The following TEX10 variants were observed in gnomAD, a reference collection of about 807,000 sequenced individuals.
The protein encoded by TEX10 is testis-expressed protein 10.
A neutral mutation model predicts 104.4 loss-of-function variants in TEX10; 24 were observed. That is an observed-to-expected ratio of 0.23 (90% CI 0.17 to 0.32). TEX10 has a LOEUF of 0.32. Among genes scored for constraint, TEX10 ranks in the 10% least tolerant of loss-of-function variants. TEX10 has a pLI of 1.00. For synonymous variants in TEX10, 396 were observed against 393.4 expected (o/e 1.01, Z -0.08); for missense variants, 921 against 1,083.9 (o/e 0.85, Z 2.11).
intron 11 of TEX10, among the ~76,000 whole-genome samples, chr9:100,314,341 C>A (rs1834359533): frequency 6.6e-6 from 1 of 152,124 alleles, no homozygotes; most frequent in South Asian, 2.1e-4. Flanking sequence ...CCACCTCAGC[C>A]TCCCAAAATG....
At chr9:100,313,413 G>A (rs1274626428) in intron 11 of TEX10, among the ~76,000 whole-genome samples, 2 of 151,894 alleles carry the variant, frequency 1.3e-5, no homozygotes, top group African/African-American at 4.8e-5. Context: ...TACTCGGGAG[G>A]CTAAGGCAGG....
intron 5 of TEX10, among the ~76,000 whole-genome samples, chr9:100,332,152 AC>A (rs1361382774): frequency 6.6e-6 from 1 of 152,236 alleles, no homozygotes; most frequent in African/African-American, 2.4e-5. Flanking sequence ...AATAGAAATT[AC>A]CCATATGACT....
intron 11 of TEX10, among the ~76,000 whole-genome samples, 173 bp downstream of exon 11, chr9:100,320,092 A>G (rs1834528934): frequency 6.6e-6 from 1 of 152,214 alleles, no homozygotes; most frequent in Non-Finnish European, 1.5e-5. Context: ...TAGTGGCACA[A>G]TTTATAAAGA....
intron 4 of TEX10, among the ~76,000 whole-genome samples, chr9:100,340,800 GA>G (rs1835153400): frequency 6.6e-6 from 1 of 152,124 alleles, no homozygotes; most frequent in Non-Finnish European, 1.5e-5. Flanking sequence ...TAGTATTGGT[GA>G]ATTTATCATT....
At chr9:100,316,105 T>C (rs998041925) in intron 11 of TEX10, among the ~76,000 whole-genome samples, 3 of 152,228 alleles carry the variant, frequency 2.0e-5, no homozygotes, top group African/African-American at 7.2e-5. Context: ...TATTCCCTTA[T>C]GAACACAGAC....
At chr9:100,339,274 A>AAAAAAAAATAT (rs1835101688) in intron 5 of TEX10, among the ~76,000 whole-genome samples, 19 of 91,698 alleles carry the variant, frequency 2.1e-4, no homozygotes, top group African/African-American at 8.8e-4. Flanking sequence ...AAAAAAAAAA[A>AAAAAAAAATAT]GTATATATAT....
chr9:100,320,719 A>G (rs1226139275), intron 10 of TEX10, among the ~76,000 whole-genome samples: 1 of 152,252 alleles, frequency 6.6e-6, no homozygotes, highest in Non-Finnish European at 1.5e-5. Flanking sequence ...GGTAGGTTTA[A>G]AAAAGCAAAT....
In TEX10 at chr9:100,327,488, C is replaced by T. The variant is rs188635404; in HGVS notation, c.1801+299G>A. Among the ~76,000 whole-genome samples, 439 of 151,210 alleles carry T rather than the reference C, an allele frequency of 2.9e-3. 1 individual carries two copies. The highest frequency in any genetic ancestry group is 6.8e-3 in the Middle Eastern group (2 of 294). Reference sequence around the variant, plus strand: ...GATTAAATAAGTAATAAAGATATGTCTTGCCATCAGAGCTTCAAAGGAATT... The same window carrying T: ...GATTAAATAAGTAATAAAGATATGTTTTGCCATCAGAGCTTCAAAGGAATT... On this transcript the variant is annotated intron_variant, in intron 8 of 14. Coordinates refer to ENST00000374902, the MANE Select transcript of TEX10 (RefSeq NM_017746.4).
At chr9:100,334,106 C>T (rs1256656470) in intron 5 of TEX10, among the ~76,000 whole-genome samples, 4 of 152,036 alleles carry the variant, frequency 2.6e-5, no homozygotes, top group Non-Finnish European at 5.9e-5. Context: ...AAAGATAATA[C>T]GTTTTTCAGA....
chr9:100,325,896 A>G (rs1834695019), intron 9 of TEX10, among the ~76,000 whole-genome samples: 1 of 152,170 alleles, frequency 6.6e-6, no homozygotes, highest in Non-Finnish European at 1.5e-5. Flanking sequence ...GGAAAAAAAA[A>G]GTGAGAGATT....
chr9:100,352,750 C>A, intron 1 of TEX10, 22 bp downstream of exon 1: 1 of 1,164,430 alleles, frequency 8.6e-7, no homozygotes, highest in Non-Finnish European at 1.1e-6. Flanking sequence ...AGGACCCGGC[C>A]CGACGGGCGA....
chr9:100,323,970 G>C (rs1434498722), intron 9 of TEX10, among the ~76,000 whole-genome samples: 1 of 152,128 alleles, frequency 6.6e-6, no homozygotes, highest in Non-Finnish European at 1.5e-5. Flanking sequence ...TCAAGAAGAG[G>C]AGCTATTTTG....
Position 100,303,746 on chromosome 9 carries a change from A to G in TEX10, c.2562T>C (p.Pro854=), listed in dbSNP as rs1364330898. The G allele has an allele frequency of 6.2e-7, 1 of 1,614,112 alleles. No homozygotes were observed. Among genetic ancestry groups the G allele is most frequent in the Admixed American group, 1.7e-5 (1 of 60,018 alleles). ...GCTGGCCCACAACAGGCAGCTCCTC[A>G]GGCCCAACTCTGTTCACCCGCAGGC... is the stretch of plus-strand genomic sequence containing the variant. ...LQSLRVNRVG[P]EELPVVGQLL... The change falls in exon 14 of 15, where the codon CCT becomes CCC. Residue 854 remains proline, a synonymous_variant. Coordinates refer to ENST00000374902, the MANE Select transcript of TEX10 (RefSeq NM_017746.4).
intron 11 of TEX10, among the ~76,000 whole-genome samples, chr9:100,316,355 G>A (rs933720047): frequency 1.3e-5 from 2 of 151,924 alleles, no homozygotes; most frequent in Non-Finnish European, 2.9e-5. Context: ...CAACAAACTA[G>A]GCATAGAAGA....
intron 7 of TEX10, 71 bp from the exon 8 acceptor site, chr9:100,328,033 A>AT (rs947070661): frequency 9.0e-5 from 112 of 1,249,868 alleles, no homozygotes; most frequent in Middle Eastern, 4.2e-4. Flanking sequence ...CAAAAAAAAA[A>AT]TTTTTTTTTA....
At chr9:100,314,318 C>T (rs1041171307) in intron 11 of TEX10, among the ~76,000 whole-genome samples, 2 of 152,100 alleles carry the variant, frequency 1.3e-5, no homozygotes, top group Admixed American at 6.5e-5. Flanking sequence ...GAACTCCTGA[C>T]TTCGTGATCC....
intron 11 of TEX10, among the ~76,000 whole-genome samples, chr9:100,319,116 C>T (rs1378125445): frequency 7.9e-5 from 12 of 151,840 alleles, no homozygotes; most frequent in South Asian, 4.2e-4. Context: ...CGCTTAAACC[C>T]GGGAGACGGA....
chr9:100,343,502 A>C (rs1215410380), intron 4 of TEX10, among the ~76,000 whole-genome samples: 2 of 152,056 alleles, frequency 1.3e-5, no homozygotes, highest in African/African-American at 4.8e-5. Flanking sequence ...GTTGATTATT[A>C]CAGAATCTGA....
rs1834237800 is a variant in TEX10 at position 100,310,166 on chromosome 9, A to C, written c.2283+133T>G. The stretch of plus-strand genomic sequence containing the variant: ...AAGATTCCTCAGTTCTTGCCAATGC[A>C]TCATGCTGCAAGAGACTATGATATC... On this transcript the variant is annotated intron_variant, in intron 12 of 14. Transcript: ENST00000374902. 42 of 726,978 alleles carry C rather than the reference A, an allele frequency of 5.8e-5. No homozygotes were observed. In the South Asian group the frequency reaches 7.5e-4, roughly 13 times the overall value. The allele number at this position is 726,978 out of a possible 1,614,324, so 45.0% of individuals were successfully genotyped here.
Sources: allele counts gnomAD v4.1 joint callset (sites outside exome capture counted in the v4.1 genomes callset), GRCh38; gene constraint gnomAD v4.1.1; transcripts MANE v1.5; gene names NCBI Gene and HGNC (gene_info 2026-07-23, HGNC 2026-07-21).